Variants in OSBPL3 observed in about 807,000 individuals in gnomAD.
OSBPL3 encodes oxysterol-binding protein-related protein 3.
A neutral mutation model predicts 120.1 loss-of-function variants in OSBPL3; 65 were observed. That is an observed-to-expected ratio of 0.54 (90% CI 0.44 to 0.67). The LOEUF (loss-of-function observed/expected upper bound fraction) is 0.67, where lower values mean the gene tolerates loss of function less well. Among genes scored for constraint, OSBPL3 ranks in the 30% least tolerant of loss-of-function variants. The pLI, the probability that OSBPL3 is intolerant of heterozygous loss-of-function variation, is 0.00. For synonymous variants in OSBPL3, 416 were observed against 402.6 expected, an observed-to-expected ratio of 1.03 and a Z score of -0.40; for missense variants, 1,004 against 1,082.1, an observed-to-expected ratio of 0.93 and a Z score of 1.01.
At chr7:24,810,928 T>C (rs947809321) in intron 19 of OSBPL3, among the ~76,000 whole-genome samples, 3 of 152,228 alleles carry the variant, frequency 2.0e-5, no homozygotes, top group East Asian at 1.9e-4. Context: ...CATTCATCCA[T>C]TGTTGGACAC....
chr7:24,926,391 T>C (rs969810119), intron 1 of OSBPL3, among the ~76,000 whole-genome samples: 1 of 152,212 alleles, frequency 6.6e-6, no homozygotes, highest in South Asian at 2.1e-4. Flanking sequence ...TCTAATTCAA[T>C]GGTCCCAGGA....
intron 12 of OSBPL3, among the ~76,000 whole-genome samples, chr7:24,848,789 T>C (rs949609333): frequency 6.6e-6 from 1 of 150,560 alleles, no homozygotes; most frequent in Non-Finnish European, 1.5e-5. Flanking sequence ...GTACCACTAG[T>C]GAAAGGGGTG....
chr7:24,819,860 T>A lies in OSBPL3; in HGVS notation c.1948+315A>T, dbSNP rs183398028. Among the ~76,000 whole-genome samples the A allele has an allele frequency of 9.2e-5, 14 of 152,324 alleles. No individual in the cohort carries two copies. The East Asian group carries it at 2.7e-3, about 29-fold the overall frequency. On this transcript the variant is annotated intron_variant, in intron 17 of 22. Coordinates refer to ENST00000313367, the MANE Select transcript of OSBPL3 (RefSeq NM_015550.4). This position sits in a 1 kb window ranked among gnomAD's most constrained non-coding sequence, Gnocchi z 4.1. Reference sequence around the variant, plus strand: ...AAAACACGACTTCAGAAATAAAATTTAAGTTTGACAAAAGCTGAAAACCCC... The same window carrying A: ...AAAACACGACTTCAGAAATAAAATTAAAGTTTGACAAAAGCTGAAAACCCC...
Position 24,852,895 on chromosome 7 carries a change from G to C in OSBPL3, c.1028-261C>G, listed in dbSNP as rs6956360. Among the ~76,000 whole-genome samples, 2 of 151,904 alleles carry C rather than the reference G, an allele frequency of 1.3e-5. No individual in the cohort carries two copies. Among genetic ancestry groups the C allele is most frequent in the Admixed American group, 1.3e-4 (2 of 15,260 alleles). ...GAGATGCAGTACTCTGGTGTGGGAT[G>C]CTGATGGCGGGGGGACGGTGCCTAC... is the stretch of plus-strand genomic sequence containing the variant. On this transcript the variant is annotated intron_variant, in intron 10 of 22. Transcript: ENST00000313367. The surrounding 1 kb of genome is among the most constrained non-coding windows in gnomAD (Gnocchi z 4.1).
In OSBPL3 at chr7:24,818,025, G is replaced by A. The variant is rs1794678591; in HGVS notation, c.1949-1337C>T. Among the ~76,000 whole-genome samples the A allele has an allele frequency of 6.6e-6, 1 of 152,172 alleles. No homozygotes were observed. The highest frequency in any genetic ancestry group is 1.5e-5 in the Non-Finnish European group (1 of 68,028). On this transcript the variant is annotated intron_variant, in intron 17 of 22. Transcript: ENST00000313367. The surrounding 1 kb of genome is among the most constrained non-coding windows in gnomAD (Gnocchi z 4.0). Reference sequence around the variant, plus strand: ...GGGGACAGTGGGGAGCCCTGGCTGGGGTCCAGGTGAGAGAGGTGGGTCTGG... The same window carrying A: ...GGGGACAGTGGGGAGCCCTGGCTGGAGTCCAGGTGAGAGAGGTGGGTCTGG...
rs1794872066 is a variant in OSBPL3 at position 24,819,587 on chromosome 7, G to A, written c.1948+588C>T. Among the ~76,000 whole-genome samples the A allele has an allele frequency of 6.6e-6, 1 of 152,104 alleles. No homozygotes were observed. Among genetic ancestry groups the A allele is most frequent in the South Asian group, 2.1e-4 (1 of 4,822 alleles). ...GTAAAGGTAACGTGTGATATCACTA[G>A]TAGCAGAGAAAAATATTTTTAAAAT... On this transcript the variant is annotated intron_variant, in intron 17 of 22. Transcript: ENST00000313367. The surrounding 1 kb of genome is among the most constrained non-coding windows in gnomAD (Gnocchi z 4.1).
At position 24,899,119 on chromosome 7, in the gene OSBPL3, T is replaced by C. The variant is rs1010901949; in HGVS notation, c.-149-6498A>G. Among the ~76,000 whole-genome samples the C allele has an allele frequency of 6.6e-6, 1 of 152,302 alleles. No individual in the cohort carries two copies. Among genetic ancestry groups the C allele is most frequent in the South Asian group, 2.1e-4 (1 of 4,828 alleles). On this transcript the variant is annotated intron_variant, in intron 1 of 22. Transcript: ENST00000313367. The surrounding 1 kb of genome is among the most constrained non-coding windows in gnomAD (Gnocchi z 4.0). Reference sequence around the variant, plus strand: ...AGCCGCATTGTCATCATCATCCATTTCTTATGGGACATGGATCAAGAGCCC... The same window carrying C: ...AGCCGCATTGTCATCATCATCCATTCCTTATGGGACATGGATCAAGAGCCC...
At chr7:24,963,700 C>A (rs1056881684) in intron 1 of OSBPL3, among the ~76,000 whole-genome samples, 1 of 152,186 alleles carries the variant, frequency 6.6e-6, no homozygotes, top group African/African-American at 2.4e-5. Context: ...GATTTGCTAC[C>A]AAAGAGGCGT....
At chr7:24,909,899 G>A in intron 1 of OSBPL3, among the ~76,000 whole-genome samples, 1 of 146,224 alleles carries the variant, frequency 6.8e-6, no homozygotes, top group Non-Finnish European at 1.5e-5. Context: ...CTGCCTCCCA[G>A]GTTCAAGCAA....
intron 1 of OSBPL3, among the ~76,000 whole-genome samples, chr7:24,961,325 C>A (rs911131368): frequency 1.2e-4 from 18 of 152,116 alleles, no homozygotes; most frequent in African/African-American, 4.3e-4. Context: ...GAGAGGCTCA[C>A]CATGATCTAG....
intron 10 of OSBPL3, among the ~76,000 whole-genome samples, chr7:24,856,346 T>C (rs1799839257): frequency 6.6e-6 from 1 of 152,104 alleles, no homozygotes; most frequent in Non-Finnish European, 1.5e-5. Context: ...GTTAGTACAG[T>C]GAGACTATAA....
chr7:24,893,064 T>C (rs1805606633), intron 1 of OSBPL3, among the ~76,000 whole-genome samples: 2 of 152,226 alleles, frequency 1.3e-5, no homozygotes, highest in South Asian at 4.1e-4. Flanking sequence ...TGGTAGCTGT[T>C]CTATTTCTCA....
intron 2 of OSBPL3, among the ~76,000 whole-genome samples, chr7:24,886,184 T>G (rs1224141848): frequency 1.3e-5 from 2 of 152,198 alleles, no homozygotes; most frequent in Non-Finnish European, 2.9e-5. Context: ...TTCATTTAGT[T>G]CTCAAAAGTA....
rs1795136576 is a variant in OSBPL3, at chr7:24,821,533, C to T, written c.1885-1295G>A. 6.6e-6 allele frequency among the ~76,000 whole-genome samples: 1 copy of T among 152,140 alleles called. No homozygotes were observed. Among genetic ancestry groups the T allele is most frequent in the African/African-American group, 2.4e-5 (1 of 41,432 alleles). ...TTGAAAACTACTTCTGTATGCCAGG[C>T]CTCCAGCAGGAGGACTGCACGGCTG... is the stretch of plus-strand genomic sequence containing the variant. On this transcript the variant is annotated intron_variant, in intron 16 of 22. Transcript: ENST00000313367. This position sits in a 1 kb window ranked among gnomAD's most constrained non-coding sequence, Gnocchi z 5.5.
rs1811710169 is a variant in OSBPL3 at position 24,930,902 on chromosome 7, T to A, written c.-149-38281A>T. 1.3e-5 allele frequency among the ~76,000 whole-genome samples: 2 copies of A among 152,212 alleles called. No homozygotes were observed. The highest frequency in any genetic ancestry group is 1.3e-4 in the Admixed American group (2 of 15,284). On this transcript the variant is annotated intron_variant, in intron 1 of 22. Coordinates refer to ENST00000313367, the MANE Select transcript of OSBPL3 (RefSeq NM_015550.4). The surrounding 1 kb of genome is among the most constrained non-coding windows in gnomAD (Gnocchi z 4.4). ...ACCTCTCTCCAATCCAAATGCCAAA[T>A]ACATACATGGTAGAATGTGAAGATG...
rs117631035 is a variant in OSBPL3 at position 24,837,839 on chromosome 7, G to C, written c.1495+2851C>G. Reference sequence around the variant, plus strand: ...AGCTGGGGCTAACCAAGGAAGTCTGGTCCCTTAATCTGTATTCTTAAACAC... The same window carrying C: ...AGCTGGGGCTAACCAAGGAAGTCTGCTCCCTTAATCTGTATTCTTAAACAC... On this transcript the variant is annotated intron_variant, in intron 14 of 22. Coordinates refer to ENST00000313367, the MANE Select transcript of OSBPL3 (RefSeq NM_015550.4). 5.1e-3 allele frequency among the ~76,000 whole-genome samples: 784 copies of C among 152,276 alleles called. 4 individuals are homozygous for C. The highest frequency in any genetic ancestry group is 8.5e-3 in the Non-Finnish European group (577 of 68,018).
rs1030115503 is a variant in OSBPL3, at chr7:24,937,261, TCTCCCACCAGGTCC to T, written c.-150+42611_-150+42624del. On this transcript the variant is annotated intron_variant, in intron 1 of 22. Coordinates refer to ENST00000313367, the MANE Select transcript of OSBPL3 (RefSeq NM_015550.4). The surrounding 1 kb of genome is among the most constrained non-coding windows in gnomAD (Gnocchi z 4.0). ...GGGAACCTCTCCCATAATTCAATTT[TCTCCCACCAGGTCC>T]CTCCCACAACACGTGGGGATTATGG... 5.9e-5 allele frequency among the ~76,000 whole-genome samples: 9 copies of T among 152,170 alleles called. No individual in the cohort carries two copies. Among genetic ancestry groups the T allele is most frequent in the Admixed American group, 2.6e-4 (4 of 15,278 alleles).
chr7:24,871,107 G>T lies in OSBPL3; in HGVS notation c.268-262C>A, dbSNP rs1427488040. 6.6e-6 allele frequency among the ~76,000 whole-genome samples: 1 copy of T among 152,204 alleles called. No individual in the cohort carries two copies. The highest frequency in any genetic ancestry group is 6.5e-5 in the Admixed American group (1 of 15,278). On this transcript the variant is annotated intron_variant, in intron 4 of 22. Transcript: ENST00000313367. This position sits in a 1 kb window ranked among gnomAD's most constrained non-coding sequence, Gnocchi z 4.8. ...AGTAACAAGCAGTTTACACAGCCAG[G>T]ATGTGAGGAAACAAAAGAGTAAGCA...
At chr7:24,929,484 C>A (rs544094433) in intron 1 of OSBPL3, among the ~76,000 whole-genome samples, 1 of 152,100 alleles carries the variant, frequency 6.6e-6, no homozygotes, top group African/African-American at 2.4e-5. Flanking sequence ...CCAAAAATAT[C>A]GCAGTACTTT....
Sources: allele counts gnomAD v4.1 joint callset (sites outside exome capture counted in the v4.1 genomes callset), GRCh38; gene constraint gnomAD v4.1.1; non-coding constraint Gnocchi (gnomAD v3.1); transcripts MANE v1.5; gene names NCBI Gene and HGNC (gene_info 2026-07-23, HGNC 2026-07-21).